The following TAFA2 variants were observed in gnomAD, a reference collection of about 807,000 sequenced individuals.
TAFA2 encodes chemokine-like protein TAFA-2.
In TAFA2, 7 loss-of-function variants were observed where a neutral mutation model predicts 18.8. The ratio of observed to expected loss-of-function variants is 0.37; its 90% CI spans 0.21 to 0.70. TAFA2 has a LOEUF of 0.70. TAFA2 is among the 30% of genes least tolerant of loss of function. The pLI is 0.53. For synonymous variants in TAFA2, 60 were observed against 54.2 expected, an observed-to-expected ratio of 1.11 and a Z score of -0.47; for missense variants, 122 against 158.1, an observed-to-expected ratio of 0.77 and a Z score of 1.23.
rs1450998924 is a variant in TAFA2, at chr12:61,708,733, T to C, written c.*1673A>G. ...GGATTTTAGTTCAATGTGAGATACA[T>C]ACTTTTCAGATTTTATTTTTAACCA... On this transcript the variant is annotated 3_prime_UTR_variant, in exon 5 of 5. Coordinates refer to ENST00000416284, the MANE Select transcript of TAFA2 (RefSeq NM_178539.5). 1 of 152,160 alleles carries C rather than the reference T, an allele frequency of 6.6e-6. No homozygotes were observed. The highest frequency in any genetic ancestry group is 1.9e-4 in the East Asian group (1 of 5,194). The allele number at this position is 152,160 out of a possible 1,614,324, so 9.4% of individuals were successfully genotyped here.
intron 1 of TAFA2, among the ~76,000 whole-genome samples, chr12:62,085,408 T>C (rs1230284301): frequency 6.6e-6 from 1 of 152,146 alleles, no homozygotes; most frequent in East Asian, 1.9e-4. Context: ...ACCACGTGTT[T>C]ACAAAAGAAG....
intron 2 of TAFA2, among the ~76,000 whole-genome samples, chr12:61,823,130 T>C (rs1439630706): frequency 4.6e-5 from 7 of 152,190 alleles, no homozygotes; most frequent in Non-Finnish European, 7.3e-5. Flanking sequence ...GTTTTATTCT[T>C]CATACACCAA....
At chr12:62,037,598 C>T (rs551349266) in intron 1 of TAFA2, among the ~76,000 whole-genome samples, 14 of 152,284 alleles carry the variant, frequency 9.2e-5, no homozygotes, top group African/African-American at 3.1e-4. Flanking sequence ...CATATGCCCA[C>T]GACCCACTAC....
At chr12:61,936,585 C>CAAAT (rs59196910) in intron 1 of TAFA2, among the ~76,000 whole-genome samples, 1,672 of 150,926 alleles carry the variant, frequency 0.011, 16 homozygotes, top group Non-Finnish European at 0.015. Flanking sequence ...CATAAAAATA[C>CAAAT]AAATAAATAA....
At chr12:61,746,346 TTA>T (rs1374995898) in intron 4 of TAFA2, among the ~76,000 whole-genome samples, 3 of 152,114 alleles carry the variant, frequency 2.0e-5, no homozygotes, top group African/African-American at 7.2e-5. Context: ...TGTGAGTCAA[TTA>T]ACCCTCCTTC....
chr12:62,022,378 T>C (rs529641821), intron 1 of TAFA2, among the ~76,000 whole-genome samples: 127 of 152,278 alleles, frequency 8.3e-4, no homozygotes, highest in African/African-American at 2.7e-3. Flanking sequence ...TGTAATGCCA[T>C]TTTCTTCCAT....
At chr12:61,721,801 C>CA (rs576821317) in intron 4 of TAFA2, among the ~76,000 whole-genome samples, 1 of 151,930 alleles carries the variant, frequency 6.6e-6, no homozygotes, top group Non-Finnish European at 1.5e-5. Flanking sequence ...ACTAAAAGTA[C>CA]AAAAAATTAG....
chr12:61,933,349 C>T (rs950666584), intron 1 of TAFA2, among the ~76,000 whole-genome samples: 6 of 152,046 alleles, frequency 3.9e-5, no homozygotes, highest in Non-Finnish European at 7.4e-5. Context: ...ACCTCATTTG[C>T]TTGTCATGAG....
At chr12:61,784,047 T>C in intron 2 of TAFA2, among the ~76,000 whole-genome samples, 1 of 151,506 alleles carries the variant, frequency 6.6e-6, no homozygotes, top group East Asian at 1.9e-4. Flanking sequence ...TAGCATAACC[T>C]ATATTTTGTC....
chr12:61,908,460 C>A (rs1312553765), intron 1 of TAFA2, among the ~76,000 whole-genome samples: 1 of 152,060 alleles, frequency 6.6e-6, no homozygotes, highest in Non-Finnish European at 1.5e-5. Flanking sequence ...ATGAGGCCTC[C>A]CCAGCCATGT....
At chr12:62,109,624 T>C (rs1392841785) in intron 1 of TAFA2, among the ~76,000 whole-genome samples, 3 of 152,246 alleles carry the variant, frequency 2.0e-5, no homozygotes, top group African/African-American at 7.2e-5. Flanking sequence ...ATGAATGTTT[T>C]TCCATTTGTT....
At chr12:62,208,442 G>A (rs2062700862) in intron 1 of TAFA2, among the ~76,000 whole-genome samples, 1 of 151,344 alleles carries the variant, frequency 6.6e-6, no homozygotes. Context: ...TGTAGTATAA[G>A]GCAGCAGAAA....
At chr12:61,900,878 A>T (rs1225907256) in intron 1 of TAFA2, among the ~76,000 whole-genome samples, 4 of 152,104 alleles carry the variant, frequency 2.6e-5, no homozygotes, top group African/African-American at 9.7e-5. Context: ...TATGACTTTC[A>T]TTGGTATCTA....
chr12:62,174,035 T>G (rs564784245), intron 1 of TAFA2, among the ~76,000 whole-genome samples: 3 of 152,320 alleles, frequency 2.0e-5, no homozygotes, highest in Admixed American at 1.3e-4. Context: ...TTCATGCCTG[T>G]AATGCCAGCA....
intron 1 of TAFA2, among the ~76,000 whole-genome samples, chr12:62,206,165 A>C (rs966480388): frequency 3.3e-5 from 5 of 152,286 alleles, no homozygotes; most frequent in Non-Finnish European, 7.4e-5. Flanking sequence ...CTAGTCAGCC[A>C]TCTTGACCCT....
At chr12:62,092,335 T>C (rs1329281284) in intron 1 of TAFA2, among the ~76,000 whole-genome samples, 1 of 152,010 alleles carries the variant, frequency 6.6e-6, no homozygotes, top group African/African-American at 2.4e-5. Context: ...TCTCTTCAAC[T>C]ATTTCCACCA....
chr12:61,857,905 A>C (rs1442849665), intron 2 of TAFA2, among the ~76,000 whole-genome samples: 1 of 152,216 alleles, frequency 6.6e-6, no homozygotes, highest in Non-Finnish European at 1.5e-5. Context: ...AAAGAGACCC[A>C]GGGAAGAAAG....
chr12:62,202,506 T>A (rs1186710135), intron 1 of TAFA2, among the ~76,000 whole-genome samples: 1 of 151,958 alleles, frequency 6.6e-6, no homozygotes, highest in Non-Finnish European at 1.5e-5. Context: ...CCCAGCTAAT[T>A]TTTGTATTTT....
intron 1 of TAFA2, among the ~76,000 whole-genome samples, chr12:62,127,221 C>G (rs1445121187): frequency 6.6e-6 from 1 of 151,850 alleles, no homozygotes; most frequent in Non-Finnish European, 1.5e-5. Flanking sequence ...TATCAGAAAC[C>G]CAAAAAGGCT....
Sources: gnomAD v4.1 joint callset for allele counts (sites outside exome capture counted in the v4.1 genomes callset) on GRCh38, gnomAD v4.1.1 for gene constraint, MANE v1.5 for transcripts, NCBI Gene and HGNC (gene_info 2026-07-23, HGNC 2026-07-21) for gene names.